The following HOMER3 variants were observed in gnomAD, a reference collection of about 807,000 sequenced individuals.
HOMER3 encodes homer protein homolog 3.
HOMER3 carries 34 observed loss-of-function variants against 45.5 expected under a neutral mutation model. The observed-to-expected ratio is 0.75, with a 90% CI of 0.57 to 1.00. The LOEUF (loss-of-function observed/expected upper bound fraction) is 1.00, where lower values mean the gene tolerates loss of function less well. Among genes scored for constraint, HOMER3 ranks in the 50% least tolerant of loss-of-function variants. The pLI is 0.00. For missense variants in HOMER3, 480 were observed against 497.5 expected (o/e 0.96, Z 0.33); for synonymous variants, 223 against 208.8 (o/e 1.07, Z -0.58).
chr19:18,938,629 G>C, intron 3 of HOMER3, 99 bp downstream of exon 3: 1 of 1,506,434 alleles, frequency 6.6e-7, no homozygotes, highest in Middle Eastern at 1.8e-4. Context: ...GGAAGGCTTA[G>C]GGTTTCCTGT....
chr19:18,939,050 C>T lies in HOMER3; in HGVS notation c.-67-1G>A. 1 of 1,477,120 alleles carries T rather than the reference C, an allele frequency of 6.8e-7. No homozygotes were observed. The highest frequency in any genetic ancestry group is 9.0e-7 in the Non-Finnish European group (1 of 1,106,946). 91.5% of individuals were successfully genotyped at this position (1,477,120 alleles called of 1,614,324 possible). ...GGTGGCAGGAGCACTGGTTTGGCCC[C>T]TAGGGAGAGAGGAGGGACTATGAGT... On this transcript the variant is annotated splice_acceptor_variant, in intron 1 of 9. Coordinates refer to ENST00000392351, the MANE Select transcript of HOMER3 (RefSeq NM_004838.4). LOFTEE classifies it low-confidence loss of function (5UTR_SPLICE).
chr19:18,933,699 ATTTC>A (rs763819177), intron 5 of HOMER3, among the ~76,000 whole-genome samples: 15 of 150,520 alleles, frequency 1.0e-4, no homozygotes, highest in African/African-American at 2.2e-4. Context: ...ACACTTAGCC[ATTTC>A]TTTCTTTCTT....
At chr19:18,935,152 T>TGGG (rs149563661) in intron 4 of HOMER3, among the ~76,000 whole-genome samples, 1 of 106,726 alleles carries the variant, frequency 9.4e-6, no homozygotes, top group African/African-American at 3.5e-5. Flanking sequence ...TTTTTTTTTT[T>TGGG]GGGGGGGGAC....
chr19:18,932,882 C>A, intron 6 of HOMER3, 42 bp downstream of exon 6: 3 of 793,024 alleles, frequency 3.8e-6, no homozygotes, highest in Admixed American at 4.2e-5. Context: ...GTCCCCCACC[C>A]CTACCCCCGC....
chr19:18,938,334 T>C lies in HOMER3; in HGVS notation c.303+19A>G. ...CCAGTCTCATCGGTTCCCTCCACTC[T>C]CCCCCTCACCCGGCCCACCTGTGTC... On this transcript the variant is annotated intron_variant, in intron 4 of 9. Transcript: ENST00000392351. 1.3e-6 allele frequency: 2 copies of C among 1,593,066 alleles called. No homozygotes were observed. The highest frequency in any genetic ancestry group is 1.7e-6 in the Non-Finnish European group (2 of 1,163,438).
intron 4 of HOMER3, among the ~76,000 whole-genome samples, chr19:18,935,567 A>G (rs1027131192): frequency 2.6e-5 from 4 of 152,196 alleles, no homozygotes; most frequent in Non-Finnish European, 4.4e-5. Context: ...TCAGAAGTCA[A>G]TGAGAAAGTA....
Position 18,929,626 on chromosome 19 carries a change from C to A in HOMER3, c.903G>T (p.Glu301Asp). Residue 301 changes from glutamate (E) to aspartate (D), a missense_variant, in exon 10 of 10, where the codon GAG (glutamate) becomes GAT (aspartate). Transcript: ENST00000392351. Reference protein sequence around the residue: ...EETQQKVQDLETRNAELEHQL... With the variant: ...EETQQKVQDLDTRNAELEHQL... ...GGTGCTCCAACTCCGCATTGCGGGT[C>A]TCCAGGTCCTGCCAGGAAAGGGTGG... 1.3e-6 allele frequency: 2 copies of A among 1,514,534 alleles called. No individual in the cohort carries two copies. The highest frequency in any genetic ancestry group is 2.5e-5 in the South Asian group (2 of 80,798). The allele number at this position is 1,514,534 out of a possible 1,614,324, so 93.8% of individuals were successfully genotyped here. A position where few individuals can be genotyped will look rare whatever the true frequency, so the allele number is the denominator to read the frequency against.
rs745320504 is a variant in HOMER3 at position 18,929,509 on chromosome 19, G to T, written c.1020C>A (p.Asp340Glu). 3.8e-6 allele frequency: 6 copies of T among 1,584,224 alleles called. No individual in the cohort carries two copies. In the Admixed American group the frequency reaches 1.1e-4, roughly 28 times the overall value. The change falls in exon 10 of 10, where the codon GAC becomes GAA. Residue 340 changes from aspartate to glutamate, a missense_variant. Asp to Glu is a conservative substitution (Grantham distance 45). Coordinates refer to ENST00000392351, the MANE Select transcript of HOMER3 (RefSeq NM_004838.4). ...AEVGRAAQLL[D>E]VSLFELSELR... ...GCTCACTCAGCTCAAACAGGCTGAC[G>T]TCCAGCAGCTGCGCTGCCCGGCCCA... is the stretch of plus-strand genomic sequence containing the variant.
In HOMER3 at chr19:18,929,436, C is replaced by T. The variant is rs749628640; in HGVS notation, c.*7G>A. On this transcript the variant is annotated 3_prime_UTR_variant, in exon 10 of 10. Transcript: ENST00000392351. ...GCCGGAATCGTTCATAGAAAACCAG[C>T]CCCGGCTCAGGGCGCAGCCTCAGCC... 6.3e-7 allele frequency: 1 copy of T among 1,588,524 alleles called. No individual in the cohort carries two copies. The highest frequency in any genetic ancestry group is 2.2e-5 in the East Asian group (1 of 44,508).
At position 18,929,313 on chromosome 19, in the gene HOMER3, C is replaced by G. The variant is rs1850397160; in HGVS notation, c.*130G>C. On this transcript the variant is annotated 3_prime_UTR_variant, in exon 10 of 10. Transcript: ENST00000392351. ...CCGACTGGGGCCCACCCCAGCCCAG[C>G]CCGGCCCGGCCCACCCAGGGCTAAG... The G allele has an allele frequency of 9.4e-7, 1 of 1,068,072 alleles. No individual in the cohort carries two copies. The highest frequency in any genetic ancestry group is 1.4e-6 in the Non-Finnish European group (1 of 695,904). The allele number at this position is 1,068,072 out of a possible 1,614,324, so 66.2% of individuals were successfully genotyped here.
At position 18,929,339 on chromosome 19, in the gene HOMER3, T is replaced by G; in HGVS notation, c.*104A>C. On this transcript the variant is annotated 3_prime_UTR_variant, in exon 10 of 10. Coordinates refer to ENST00000392351, the MANE Select transcript of HOMER3 (RefSeq NM_004838.4). ...CCGGCCCGGCCCACCCAGGGCTAAG[T>G]TGGGACCCCCCAGTCCCTTTCCAGG... 3.0e-6 allele frequency: 4 copies of G among 1,325,034 alleles called. No individual in the cohort carries two copies. Among genetic ancestry groups the G allele is most frequent in the Non-Finnish European group, 4.3e-6 (4 of 931,676 alleles). The allele number at this position is 1,325,034 out of a possible 1,614,324, so 82.1% of individuals were successfully genotyped here. A position where few individuals can be genotyped will look rare whatever the true frequency, so the allele number is the denominator to read the frequency against.
At chr19:18,936,685 A>C (rs2057096773) in intron 4 of HOMER3, among the ~76,000 whole-genome samples, 1 of 149,406 alleles carries the variant, frequency 6.7e-6, no homozygotes, top group Non-Finnish European at 1.5e-5. Context: ...AAAAAGACCT[A>C]AATTAGAAAG....
rs750834938 is a variant in HOMER3, at chr19:18,938,861, C to G, written c.38G>C (p.Arg13Pro). 1.2e-6 allele frequency: 2 copies of G among 1,603,590 alleles called. No homozygotes were observed. Among genetic ancestry groups the G allele is most frequent in the Non-Finnish European group, 1.7e-6 (2 of 1,175,388 alleles). ...TGGGTCAATTTGGAACACGTGCGCC[C>G]GTGTGCTGAAGATTGGCTGCTCCCT... ...TAREQPIFSTRAHVFQIDPAT... is the reference protein window; with the variant it reads ...TAREQPIFSTPAHVFQIDPAT... Residue 13 changes from arginine to proline, a missense_variant, in exon 3 of 10, where the codon CGG (arginine) becomes CCG (proline). Coordinates refer to ENST00000392351, the MANE Select transcript of HOMER3 (RefSeq NM_004838.4).
chr19:18,938,853 C>T lies in HOMER3; in HGVS notation c.46G>A (p.Val16Met), dbSNP rs1178724761. The change falls in exon 3 of 10, where the codon GTG becomes ATG. Residue 16 changes from valine (V) to methionine (M), a missense_variant. Coordinates refer to ENST00000392351, the MANE Select transcript of HOMER3 (RefSeq NM_004838.4). ...TTGGTGGCTGGGTCAATTTGGAACACGTGCGCCCGTGTGCTGAAGATTGGC... is the reference window on the plus strand; with the variant it reads ...TTGGTGGCTGGGTCAATTTGGAACATGTGCGCCCGTGTGCTGAAGATTGGC... ...EQPIFSTRAH[V>M]FQIDPATKRN... 3.7e-6 allele frequency: 6 copies of T among 1,602,232 alleles called. No homozygotes were observed. Among genetic ancestry groups the T allele is most frequent in the Non-Finnish European group, 5.1e-6 (6 of 1,174,720 alleles).
intron 1 of HOMER3, chr19:18,939,806 A>G (rs1166063818): frequency 6.6e-6 from 1 of 152,404 alleles, no homozygotes; most frequent in Non-Finnish European, 1.5e-5. Flanking sequence ...CACCCTGCAG[A>G]GGGACCCCAC....
chr19:18,936,236 C>T (rs868700262), intron 4 of HOMER3, among the ~76,000 whole-genome samples: 2 of 150,418 alleles, frequency 1.3e-5, no homozygotes, highest in Non-Finnish European at 3.0e-5. Context: ...TTGCTTGAAC[C>T]GGGGAGGCGG....
chr19:18,938,481 T>A lies in HOMER3; in HGVS notation c.175A>T (p.Ile59Phe). ...TTGGGAGTGACAGTGCTGTTGATGA[T>A]GGCCTAGGGTCGGGGAACAAAGTTC... ...RIISIGGAKA[I>F]INSTVTPNMT... The change falls in exon 4 of 10, where the codon ATC (isoleucine) becomes TTC (phenylalanine). Residue 59 changes from isoleucine (I) to phenylalanine (F), a missense_variant. Coordinates refer to ENST00000392351, the MANE Select transcript of HOMER3 (RefSeq NM_004838.4). 6.2e-7 allele frequency: 1 copy of A among 1,612,672 alleles called. No individual in the cohort carries two copies. Among genetic ancestry groups the A allele is most frequent in the Non-Finnish European group, 8.5e-7 (1 of 1,178,788 alleles).
Position 18,938,395 on chromosome 19 carries a change from T to A in HOMER3, c.261A>T (p.Thr87=). ...CAGAGGCAAAGCCCAGGCCGTAGACTGTGTTGGCGCGACTGTCGGCCCACT... is the reference window on the plus strand; with the variant it reads ...CAGAGGCAAAGCCCAGGCCGTAGACAGTGTTGGCGCGACTGTCGGCCCACT... ...FGQWADSRAN[T]VYGLGFASEQ... is the part of the protein sequence containing the mutation. The change falls in exon 4 of 10, where the codon ACA becomes ACT. Residue 87 remains threonine (T), a synonymous_variant. Transcript: ENST00000392351. The A allele has an allele frequency of 6.2e-7, 1 of 1,613,892 alleles. No individual in the cohort carries two copies. The highest frequency in any genetic ancestry group is 8.5e-7 in the Non-Finnish European group (1 of 1,179,862).
Position 18,932,965 on chromosome 19 carries a change from G to GC in HOMER3, c.491dup (p.Thr166HisfsTer12). The GC allele has an allele frequency of 6.8e-7, 1 of 1,461,048 alleles. No homozygotes were observed. Among genetic ancestry groups the GC allele is most frequent in the Non-Finnish European group, 9.0e-7 (1 of 1,106,594 alleles). The allele number at this position is 1,461,048 out of a possible 1,614,324, so 90.5% of individuals were successfully genotyped here. A position where few individuals can be genotyped will look rare whatever the true frequency, so the allele number is the denominator to read the frequency against. The stretch of plus-strand genomic sequence containing the variant: ...TCTTTAGCCGCTCGCGCTCTGTGGG[G>GC]CCGGGGGCATCAGCGCTCTGGCTGC... On this transcript the variant is annotated frameshift_variant, in exon 6 of 10. Coordinates refer to ENST00000392351, the MANE Select transcript of HOMER3 (RefSeq NM_004838.4). LOFTEE classifies it high-confidence loss of function.
Sources: gnomAD v4.1 joint callset for allele counts (sites outside exome capture counted in the v4.1 genomes callset) on GRCh38, gnomAD v4.1.1 for gene constraint, MANE v1.5 for transcripts, NCBI Gene and HGNC (gene_info 2026-07-23, HGNC 2026-07-21) for gene names.